ZC3H4: variants seen among roughly 807,000 people sequenced by gnomAD.
The protein encoded by ZC3H4 is zinc finger CCCH domain-containing protein 4.
A neutral mutation model predicts 108.3 loss-of-function variants in ZC3H4; 13 were observed. The ratio of observed to expected loss-of-function variants is 0.12; its 90% CI spans 0.08 to 0.19. ZC3H4 has a LOEUF of 0.19. Ranked by LOEUF, ZC3H4 falls within the 10% of genes least tolerant of loss-of-function variation. The probability of loss-of-function intolerance (pLI) is 1.00; values close to 1 mark genes in which losing one functional copy is unlikely to be tolerated. For missense variants in ZC3H4, 1,734 were observed against 1,838.8 expected (o/e 0.94, Z 1.04); for synonymous variants, 917 against 749.6 (o/e 1.22, Z -3.65).
In ZC3H4 at chr19:47,072,102, G is replaced by A. The variant is rs867221960; in HGVS notation, c.1822C>T (p.Pro608Ser). ...GGCCCAGGGCCCATTGGCCCTGGGG[G>A]TCCACCGGGTCCAGGGAACCTAGAA... is the stretch of plus-strand genomic sequence containing the variant. Reference protein sequence around the residue: ...LGVRFPGPGGPPGPMGPGPNM... With the variant: ...LGVRFPGPGGSPGPMGPGPNM... Residue 608 changes from proline (P) to serine (S), a missense_variant, in exon 13 of 15, where the codon CCC becomes TCC. This residue lies in a region of ZC3H4 where 540 missense variants were observed against 484.1 expected (regional missense o/e 1.12). Transcript: ENST00000253048. This position sits in a 1 kb window ranked among gnomAD's most constrained non-coding sequence, Gnocchi z 5.6. The A allele has an allele frequency of 6.5e-7, 1 of 1,541,428 alleles. No individual in the cohort carries two copies. Among genetic ancestry groups the A allele is most frequent in the Non-Finnish European group, 8.7e-7 (1 of 1,147,958 alleles).
At chr19:47,096,579 G>T (rs1330822274) in intron 2 of ZC3H4, among the ~76,000 whole-genome samples, 1 of 152,242 alleles carries the variant, frequency 6.6e-6, no homozygotes, top group Non-Finnish European at 1.5e-5. Flanking sequence ...AATACTGGGG[G>T]CAGGCCAGGG....
At chr19:47,078,208 T>TAAATGAGATA (rs1180204378) in intron 11 of ZC3H4, among the ~76,000 whole-genome samples, 1 of 152,238 alleles carries the variant, frequency 6.6e-6, no homozygotes, top group Non-Finnish European at 1.5e-5. Flanking sequence ...TGTTTGGCGA[T>TAAATGAGATA]AAATGAGATA....
chr19:47,112,116 G>C, intron 2 of ZC3H4: 4 of 1,065,582 alleles, frequency 3.8e-6, no homozygotes, highest in Non-Finnish European at 4.5e-6. Context: ...ACAGGCGGAC[G>C]GGCGCGGGGG....
chr19:47,111,693 C>T (rs537340130), intron 2 of ZC3H4, among the ~76,000 whole-genome samples: 90 of 152,054 alleles, frequency 5.9e-4, no homozygotes, highest in South Asian at 2.3e-3. Flanking sequence ...TGCATCTCCC[C>T]CCTCCCCAAT....
intron 2 of ZC3H4, among the ~76,000 whole-genome samples, chr19:47,110,731 GC>G (rs2058028085): frequency 1.3e-5 from 2 of 152,322 alleles, no homozygotes; most frequent in Admixed American, 1.3e-4. Context: ...TAATGCACCT[GC>G]CCCCGGAGAG....
At chr19:47,096,765 T>C in intron 2 of ZC3H4, 1 of 980,736 alleles carries the variant, frequency 1.0e-6, no homozygotes, top group Non-Finnish European at 1.2e-6. Flanking sequence ...AGGCCACTAA[T>C]ATTTTAAATG....
rs1403268241 is a variant in ZC3H4, at chr19:47,108,762, T to C, written c.161+3662A>G. ...TCTACTTAGAGAAAACTATGGCTTA[T>C]AAAGAAATCAAAAATTTAAACCTTC... is the stretch of plus-strand genomic sequence containing the variant. On this transcript the variant is annotated intron_variant, in intron 2 of 14. Coordinates refer to ENST00000253048, the MANE Select transcript of ZC3H4 (RefSeq NM_015168.2). Among the ~76,000 whole-genome samples the C allele has an allele frequency of 2.6e-5, 4 of 152,272 alleles. No individual in the cohort carries two copies. In the East Asian group the frequency reaches 5.8e-4, roughly 22 times the overall value.
At chr19:47,082,809 C>G (rs1392820749) in intron 9 of ZC3H4, among the ~76,000 whole-genome samples, 2 of 152,196 alleles carry the variant, frequency 1.3e-5, no homozygotes, top group Non-Finnish European at 2.9e-5. Flanking sequence ...CTACTGCCCA[C>G]CCAGCTCCAG....
chr19:47,082,570 C>T (rs924970951), intron 9 of ZC3H4, among the ~76,000 whole-genome samples: 6 of 152,172 alleles, frequency 3.9e-5, no homozygotes, highest in Non-Finnish European at 7.3e-5. Context: ...ACTTTGGCCT[C>T]CCAAAGCGCT....
chr19:47,089,844 C>T, intron 5 of ZC3H4, 123 bp downstream of exon 5: 1 of 970,522 alleles, frequency 1.0e-6, no homozygotes, highest in Non-Finnish European at 1.5e-6. Flanking sequence ...AGAGCCTGGC[C>T]CTTCTTTGTA....
At chr19:47,104,799 T>C (rs2057948184) in intron 2 of ZC3H4, among the ~76,000 whole-genome samples, 5 of 152,168 alleles carry the variant, frequency 3.3e-5, no homozygotes, top group Admixed American at 3.3e-4. Context: ...ACCTAAGCCC[T>C]GGTGTCTGTT....
At chr19:47,090,218 G>A (rs752849889) in intron 4 of ZC3H4, 29 bp from the exon 5 acceptor site, 2 of 1,613,160 alleles carry the variant, frequency 1.2e-6, no homozygotes, top group East Asian at 2.2e-5. Context: ...GAAAAGAGGT[G>A]AGCCGGATCC....
At position 47,081,507 on chromosome 19, in the gene ZC3H4, CAT is replaced by C; in HGVS notation, c.1440+4_1440+5del. 1 of 1,613,958 alleles carries C rather than the reference CAT, an allele frequency of 6.2e-7. No individual in the cohort carries two copies. The highest frequency in any genetic ancestry group is 8.5e-7 in the Non-Finnish European group (1 of 1,179,822). On this transcript the variant is annotated splice_donor_5th_base_variant and intron_variant, in intron 11 of 14. Transcript: ENST00000253048. ...AGCCGGGGGCCCCGTTACCCCCGGA[CAT>C]TACCTTATCCAAGAGCTCCCTCGTC...
At position 47,084,405 on chromosome 19, in the gene ZC3H4, CTGG is replaced by C; in HGVS notation, c.1155_1157del (p.His385del). ...TGACTTTGCCTTTCTTGTCCGACTG[CTGG>C]TGGGGCTTGTCATGGTCACGACTCC... On this transcript the variant is annotated inframe_deletion, in exon 9 of 15. Coordinates refer to ENST00000253048, the MANE Select transcript of ZC3H4 (RefSeq NM_015168.2). The C allele has an allele frequency of 6.2e-7, 1 of 1,614,218 alleles. No individual in the cohort carries two copies. The highest frequency in any genetic ancestry group is 8.5e-7 in the Non-Finnish European group (1 of 1,180,036).
chr19:47,112,161 T>G, intron 2 of ZC3H4: 2 of 1,119,918 alleles, frequency 1.8e-6, no homozygotes. Context: ...CCCCTCAGCA[T>G]GGCGCCCAAA....
chr19:47,066,859 C>T lies in ZC3H4; in HGVS notation c.3409G>A (p.Gly1137Ser), dbSNP rs2057213049. 1.9e-6 allele frequency: 3 copies of T among 1,598,734 alleles called. No homozygotes were observed. Among genetic ancestry groups the T allele is most frequent in the Admixed American group, 3.3e-5 (2 of 59,774 alleles). ...CCGCTCAGCACACTGCTCTGCCCGC[C>T]CCCTCCGCCCTGGCCCAGTCCACCG... ...AAGGLGQGGG[G>S]GQSSVLSGIS... Residue 1137 changes from glycine to serine, a missense_variant, in exon 15 of 15, where the codon GGC becomes AGC. Gly to Ser is a moderately conservative substitution (Grantham distance 56). Coordinates refer to ENST00000253048, the MANE Select transcript of ZC3H4 (RefSeq NM_015168.2).
At chr19:47,105,928 G>A (rs2057962705) in intron 2 of ZC3H4, among the ~76,000 whole-genome samples, 1 of 152,140 alleles carries the variant, frequency 6.6e-6, no homozygotes, top group South Asian at 2.1e-4. Flanking sequence ...ACAGTATAAT[G>A]GTATGTATAG....
At position 47,072,081 on chromosome 19, in the gene ZC3H4, C is replaced by T. The variant is rs1440250154; in HGVS notation, c.1843G>A (p.Gly615Arg). Reference sequence around the variant, plus strand: ...GGCCCTGGGGGTCCCATGTTGGGCCCAGGGCCCATTGGCCCTGGGGGTCCA... The same window carrying T: ...GGCCCTGGGGGTCCCATGTTGGGCCTAGGGCCCATTGGCCCTGGGGGTCCA... ...PGGPPGPMGP[G>R]PNMGPPGPMG... The change falls in exon 13 of 15, where the codon GGG becomes AGG. Residue 615 changes from glycine (G) to arginine (R), a missense_variant. By Grantham distance (125) the Gly-to-Arg change is moderately radical. Around this residue, in one of 9 missense-constraint regions of ZC3H4, gnomAD observed 540 missense variants for 484.1 expected, o/e 1.12. Coordinates refer to ENST00000253048, the MANE Select transcript of ZC3H4 (RefSeq NM_015168.2). The surrounding 1 kb of genome is among the most constrained non-coding windows in gnomAD (Gnocchi z 5.6). The T allele has an allele frequency of 1.3e-6, 2 of 1,566,572 alleles. No individual in the cohort carries two copies. Among genetic ancestry groups the T allele is most frequent in the Admixed American group, 4.0e-5 (2 of 50,046 alleles).
chr19:47,071,073 A>C (rs2057316773), intron 13 of ZC3H4, among the ~76,000 whole-genome samples: 1 of 152,096 alleles, frequency 6.6e-6, no homozygotes, highest in South Asian at 2.1e-4. Context: ...GACTTTTGTG[A>C]CTATCCCCAC....
Sources: allele counts gnomAD v4.1 joint callset (sites outside exome capture counted in the v4.1 genomes callset), GRCh38; gene constraint gnomAD v4.1.1; regional missense constraint gnomAD v4.1.1; non-coding constraint Gnocchi (gnomAD v3.1); transcripts MANE v1.5; gene names NCBI Gene and HGNC (gene_info 2026-07-23, HGNC 2026-07-21).